The following TCF4 variants were observed in gnomAD, a reference collection of about 807,000 sequenced individuals.
TCF4 encodes transcription factor 4.
In TCF4, 3 loss-of-function variants were observed where a neutral mutation model predicts 82.1. The ratio of observed to expected loss-of-function variants is 0.04; its 90% CI spans 0.02 to 0.09. The LOEUF is 0.09. Ranked by LOEUF, TCF4 falls within the 10% of genes least tolerant of loss-of-function variation. TCF4 has a pLI of 1.00. For synonymous variants in TCF4, 276 were observed against 309.6 expected (o/e 0.89, Z 1.14); for missense variants, 518 against 852.7 (o/e 0.61, Z 4.89).
chr18:55,598,384 G>T (rs1393612675), intron 2 of TCF4, among the ~76,000 whole-genome samples: 1 of 152,218 alleles, frequency 6.6e-6, no homozygotes, highest in South Asian at 2.1e-4. Context: ...TTTCTATTTT[G>T]TATTTTTTAT....
chr18:55,585,896 C>T, intron 2 of TCF4: 1 of 1,225,108 alleles, frequency 8.2e-7, no homozygotes, highest in African/African-American at 1.5e-5. Flanking sequence ...CTCTCTTTCA[C>T]TCCCTCTCTC....
intron 3 of TCF4, among the ~76,000 whole-genome samples, chr18:55,501,727 G>A (rs1372991414): frequency 6.6e-6 from 1 of 151,890 alleles, no homozygotes; most frequent in African/African-American, 2.4e-5. Context: ...AACCTTCGCT[G>A]AAGAAAACAG....
chr18:55,461,167 A>G, intron 4 of TCF4, 52 bp from the exon 5 acceptor site: 1 of 1,435,272 alleles, frequency 7.0e-7, no homozygotes. Context: ...TAAACAGCAC[A>G]TAAACAAACA....
chr18:55,255,979 G>T (rs538460447), intron 14 of TCF4, among the ~76,000 whole-genome samples: 1 of 152,230 alleles, frequency 6.6e-6, no homozygotes, highest in Admixed American at 6.5e-5. Context: ...TGATTTGGTG[G>T]GTTTGGGAGT....
At chr18:55,546,764 T>C (rs776866718) in intron 3 of TCF4, 19 of 152,224 alleles carry the variant, frequency 1.2e-4, no homozygotes, top group Non-Finnish European at 1.9e-4. Flanking sequence ...GCTGTAATAA[T>C]ATCACCATTA....
At chr18:55,624,576 TA>T (rs35159003) in intron 2 of TCF4, among the ~76,000 whole-genome samples, 403 of 137,038 alleles carry the variant, frequency 2.9e-3, no homozygotes, top group African/African-American at 3.9e-3. Flanking sequence ...AGACCCAGAT[TA>T]AAAAAAAAAA....
chr18:55,329,977 T>C (rs1007258850), intron 8 of TCF4, among the ~76,000 whole-genome samples: 3 of 152,110 alleles, frequency 2.0e-5, no homozygotes, highest in African/African-American at 7.2e-5. Flanking sequence ...GCCGAGTGGG[T>C]TGTGTTCTCT....
intron 2 of TCF4, among the ~76,000 whole-genome samples, chr18:55,602,977 G>A (rs952592262): frequency 3.3e-5 from 5 of 152,132 alleles, no homozygotes; most frequent in Non-Finnish European, 7.4e-5. Context: ...AATGTAAAAT[G>A]TAATAGGTGA....
intron 3 of TCF4, among the ~76,000 whole-genome samples, chr18:55,468,742 T>C (rs899265545): frequency 3.3e-5 from 5 of 152,058 alleles, no homozygotes; most frequent in African/African-American, 1.2e-4. Context: ...AGTAAGATAA[T>C]ATTGTGGTAT....
chr18:55,499,589 C>T (rs1286802450), intron 3 of TCF4, among the ~76,000 whole-genome samples: 3 of 152,208 alleles, frequency 2.0e-5, no homozygotes, highest in Admixed American at 6.5e-5. Context: ...ACTCCCCCCA[C>T]CAACAATTTA....
At chr18:55,322,224 C>T in intron 8 of TCF4, 4 of 1,056,696 alleles carry the variant, frequency 3.8e-6, no homozygotes, top group Non-Finnish European at 4.6e-6. Context: ...AATACAAATG[C>T]AGTTAATTGA....
At chr18:55,301,981 A>G (rs148567633) in intron 8 of TCF4, among the ~76,000 whole-genome samples, 1 of 152,312 alleles carries the variant, frequency 6.6e-6, no homozygotes, top group East Asian at 1.9e-4. Context: ...ACAATTCAAT[A>G]CATCACAATG....
chr18:55,332,364 AG>A (rs2077746995), intron 8 of TCF4: 1 of 152,192 alleles, frequency 6.6e-6, no homozygotes, highest in African/African-American at 2.4e-5. Flanking sequence ...CATTGTTAAC[AG>A]AAATATATGT....
At chr18:55,548,144 T>A (rs1007402660) in intron 3 of TCF4, among the ~76,000 whole-genome samples, 8 of 152,206 alleles carry the variant, frequency 5.3e-5, no homozygotes, top group Admixed American at 2.6e-4. Context: ...ATGTGTGAAA[T>A]GATTTGCTGG....
At chr18:55,337,077 G>A (rs1368731617) in intron 8 of TCF4, among the ~76,000 whole-genome samples, 6 of 152,014 alleles carry the variant, frequency 3.9e-5, no homozygotes, top group African/African-American at 1.4e-4. Flanking sequence ...CCCAGAACCT[G>A]TTGCATTAAG....
At chr18:55,323,767 T>C (rs1217840810) in intron 8 of TCF4, among the ~76,000 whole-genome samples, 1 of 152,190 alleles carries the variant, frequency 6.6e-6, no homozygotes, top group Non-Finnish European at 1.5e-5. Flanking sequence ...GGCTGGAATT[T>C]AAAGAGATAA....
chr18:55,395,941 T>C (rs887811433), intron 6 of TCF4, among the ~76,000 whole-genome samples: 10 of 151,986 alleles, frequency 6.6e-5, no homozygotes, highest in African/African-American at 2.4e-4. Flanking sequence ...TTTCCCCCCC[T>C]TAAGGCTGGG....
chr18:55,349,653 A>C (rs2081936058), intron 8 of TCF4, among the ~76,000 whole-genome samples: 1 of 152,154 alleles, frequency 6.6e-6, no homozygotes, highest in Non-Finnish European at 1.5e-5. Flanking sequence ...AGTCCTAAAT[A>C]AAATTAAATA....
intron 3 of TCF4, chr18:55,469,652 A>C (rs972696736): frequency 6.6e-6 from 1 of 152,184 alleles, no homozygotes; most frequent in African/African-American, 2.4e-5. Context: ...TCTTGTGGTC[A>C]GCAAGATCAA....
Sources: allele counts gnomAD v4.1 joint callset (sites outside exome capture counted in the v4.1 genomes callset), GRCh38; gene constraint gnomAD v4.1.1; transcripts MANE v1.5; gene names NCBI Gene and HGNC (gene_info 2026-07-23, HGNC 2026-07-21).